Variants in EPS15L1 observed in about 807,000 individuals in gnomAD.
The protein encoded by EPS15L1 is epidermal growth factor receptor pathway substrate 15 like 1, also known as epidermal growth factor receptor substrate 15-like 1.
In EPS15L1, 43 loss-of-function variants were observed where a neutral mutation model predicts 117.1. The observed-to-expected ratio is 0.37, with a 90% CI of 0.29 to 0.47. EPS15L1 has a LOEUF of 0.47. EPS15L1 is among the 20% of genes least tolerant of loss of function. EPS15L1 has a pLI of 0.99. For missense variants in EPS15L1, 981 were observed against 1,164.0 expected (o/e 0.84, Z 2.29); for synonymous variants, 459 against 470.5 (o/e 0.98, Z 0.32).
chr19:16,392,382 G>A lies in EPS15L1; in HGVS notation c.2025C>T (p.Asp675=), dbSNP rs751989776. 1.3e-5 allele frequency: 21 copies of A among 1,613,980 alleles called. 2 individuals carry two copies. The highest frequency in any genetic ancestry group is 6.6e-5 in the South Asian group (6 of 91,084). Residue 675 remains aspartate, a synonymous_variant, in exon 19 of 24, where the codon GAC becomes GAT. Coordinates refer to ENST00000455140, the MANE Select transcript of EPS15L1 (RefSeq NM_001258374.3). ...TCTTTGTCTGTTTCTTGAAGAAGTC[G>A]TCAGTGGCAGAGCCACGGAATGGGT... is the stretch of plus-strand genomic sequence containing the variant. ...ESDPFRGSAT[D]DFFKKQTKND... is the part of the protein sequence containing the mutation.
chr19:16,390,771 G>C (rs1462198605), intron 19 of EPS15L1, among the ~76,000 whole-genome samples: 1 of 152,046 alleles, frequency 6.6e-6, no homozygotes, highest in Admixed American at 6.6e-5. Context: ...AATTCACAAG[G>C]GAAACTGGAA....
intron 4 of EPS15L1, among the ~76,000 whole-genome samples, chr19:16,439,720 T>C (rs1335432758): frequency 6.6e-6 from 1 of 150,932 alleles, no homozygotes; most frequent in South Asian, 2.1e-4. Context: ...ACAACAAACA[T>C]GCAGACATGC....
intron 23 of EPS15L1, 124 bp downstream of exon 23, chr19:16,361,655 G>C (rs987795431): frequency 1.2e-5 from 17 of 1,434,890 alleles, no homozygotes; most frequent in African/African-American, 4.3e-5. Context: ...GCGAGGGACA[G>C]AGAGTGTGAG....
chr19:16,369,405 A>G (rs1033763937), intron 22 of EPS15L1, among the ~76,000 whole-genome samples: 5 of 152,264 alleles, frequency 3.3e-5, no homozygotes, highest in African/African-American at 1.2e-4. Context: ...AGCTGAACAA[A>G]TATTTACTAC....
intron 13 of EPS15L1, 172 bp downstream of exon 13, chr19:16,413,601 T>A: frequency 1.3e-6 from 1 of 748,618 alleles, no homozygotes; most frequent in Non-Finnish European, 2.2e-6. Context: ...AAAAATAAAG[T>A]GAATTCAGCC....
chr19:16,469,824 G>A (rs73511202), intron 1 of EPS15L1, among the ~76,000 whole-genome samples: 3,704 of 152,116 alleles, frequency 0.024, 48 homozygotes, highest in Middle Eastern at 0.044. Flanking sequence ...CCTGCTGCAG[G>A]GTGCTTCCCT....
chr19:16,452,512 C>T (rs537741861), intron 1 of EPS15L1, among the ~76,000 whole-genome samples: 2 of 150,216 alleles, frequency 1.3e-5, no homozygotes, highest in African/African-American at 2.4e-5. Context: ...CCCAGCTACT[C>T]GAGAAGCTAA....
chr19:16,386,191 C>T lies in EPS15L1; in HGVS notation c.2144G>A (p.Ser715Asn), dbSNP rs763044271. The T allele has an allele frequency of 2.5e-6, 4 of 1,612,696 alleles. No individual in the cohort carries two copies. The highest frequency in any genetic ancestry group is 2.2e-5 in the East Asian group (1 of 44,848). ...CTCACCTGATCCTTTTGAGGAGACA[C>T]TGGAGGATGAAAAGGGATCACTGGA... Reference protein sequence around the residue: ...FESSDPFSSSSVSSKGSDPFG... With the variant: ...FESSDPFSSSNVSSKGSDPFG... The change falls in exon 20 of 24, where the codon AGT becomes AAT. Residue 715 changes from serine to asparagine, a missense_variant. Ser to Asn is a conservative substitution (Grantham distance 46). Around this residue, in one of 5 missense-constraint regions of EPS15L1, gnomAD observed 819 missense variants for 949.0 expected, o/e 0.86. Transcript: ENST00000455140.
intron 21 of EPS15L1, among the ~76,000 whole-genome samples, chr19:16,384,435 T>C (rs770907460): frequency 6.6e-6 from 1 of 152,102 alleles, no homozygotes; most frequent in Non-Finnish European, 1.5e-5. Context: ...GGGCTTCTAT[T>C]GTTGTTTTTT....
At chr19:16,393,929 T>A in intron 18 of EPS15L1, 22 bp downstream of exon 18, 1 of 1,613,030 alleles carries the variant, frequency 6.2e-7, no homozygotes, top group South Asian at 1.1e-5. Flanking sequence ...TAAAGACCGG[T>A]CCGGGAAACA....
intron 15 of EPS15L1, among the ~76,000 whole-genome samples, chr19:16,402,893 T>C (rs1483604966): frequency 6.6e-6 from 1 of 152,100 alleles, no homozygotes; most frequent in Admixed American, 6.5e-5. Context: ...CAAAGCAACA[T>C]ATCTTTGCTC....
Position 16,404,813 on chromosome 19 carries a change from G to A in EPS15L1, c.1267-64C>T. ...AAATGAAGCATGTCCAAGATAACGGGGGGCAGCCTGGGCCAGAAGTCCAGG... is the reference window on the plus strand; with the variant it reads ...AAATGAAGCATGTCCAAGATAACGGAGGGCAGCCTGGGCCAGAAGTCCAGG... On this transcript the variant is annotated intron_variant, in intron 13 of 23. Transcript: ENST00000455140. The surrounding 1 kb of genome is among the most constrained non-coding windows in gnomAD (Gnocchi z 4.2). 1.3e-6 allele frequency: 2 copies of A among 1,568,366 alleles called. No homozygotes were observed. The highest frequency in any genetic ancestry group is 1.7e-6 in the Non-Finnish European group (2 of 1,147,366).
intron 13 of EPS15L1, among the ~76,000 whole-genome samples, chr19:16,409,194 G>A (rs1022997126): frequency 2.6e-5 from 4 of 152,140 alleles, no homozygotes; most frequent in African/African-American, 9.7e-5. Flanking sequence ...TCATACCACT[G>A]CACTCCAGCC....
upstream of EPS15L1, chr19:16,471,988 G>A (rs1473811867): frequency 2.4e-6 from 3 of 1,252,724 alleles, no homozygotes; most frequent in Non-Finnish European, 3.0e-6. This position sits in a 1 kb window ranked among gnomAD's most constrained non-coding sequence, Gnocchi z 4.8. Flanking sequence ...GAACGGGGGC[G>A]GGGCTGCAGC....
chr19:16,382,594 G>A (rs2092375007), intron 21 of EPS15L1, among the ~76,000 whole-genome samples: 1 of 150,774 alleles, frequency 6.6e-6, no homozygotes, highest in Non-Finnish European at 1.5e-5. Context: ...AAAATGGGCT[G>A]ACGACTAACC....
At chr19:16,460,811 C>T (rs1260062925) in intron 1 of EPS15L1, among the ~76,000 whole-genome samples, 1 of 152,210 alleles carries the variant, frequency 6.6e-6, no homozygotes, top group Non-Finnish European at 1.5e-5. Flanking sequence ...CAAACAGTGC[C>T]ATTTGTAGGG....
chr19:16,425,115 G>A lies in EPS15L1; in HGVS notation c.760C>T (p.Leu254=). Residue 254 remains leucine, a synonymous_variant, in exon 9 of 24, where the codon CTG becomes TTG. Coordinates refer to ENST00000455140, the MANE Select transcript of EPS15L1 (RefSeq NM_001258374.3). ...TGCTTGAGGCTGTGCTTGGGGGACAGGCTCCCTGTGCTGTTGAGGCTGCTG... is the reference window on the plus strand; with the variant it reads ...TGCTTGAGGCTGTGCTTGGGGGACAAGCTCCCTGTGCTGTTGAGGCTGCTG... ...SVSSLNSTGS[L]SPKHSLKQTQ... The A allele has an allele frequency of 6.2e-7, 1 of 1,614,230 alleles. No individual in the cohort carries two copies. Among genetic ancestry groups the A allele is most frequent in the Non-Finnish European group, 8.5e-7 (1 of 1,180,024 alleles).
intron 7 of EPS15L1, among the ~76,000 whole-genome samples, chr19:16,431,758 G>A (rs1232590009): frequency 6.6e-6 from 1 of 152,168 alleles, no homozygotes; most frequent in Non-Finnish European, 1.5e-5. Context: ...TAATTACCCT[G>A]CTGGGATGAT....
At chr19:16,401,156 A>C (rs2092596888) in intron 16 of EPS15L1, 1 of 985,276 alleles carries the variant, frequency 1.0e-6, no homozygotes. Flanking sequence ...CCTCATTACG[A>C]GTCCACGAGA....
Sources: gnomAD v4.1 joint callset for allele counts (sites outside exome capture counted in the v4.1 genomes callset) on GRCh38, gnomAD v4.1.1 for gene constraint, gnomAD v4.1.1 regional missense constraint, Gnocchi (gnomAD v3.1) non-coding constraint, MANE v1.5 for transcripts, NCBI Gene and HGNC (gene_info 2026-07-23, HGNC 2026-07-21) for gene names.